Variants in PDE1A observed in about 807,000 individuals in gnomAD.
The protein encoded by PDE1A is phosphodiesterase 1A.
A neutral mutation model predicts 61.7 loss-of-function variants in PDE1A; 35 were observed. That is an observed-to-expected ratio of 0.57 (90% CI 0.43 to 0.75). The LOEUF is 0.75. PDE1A is among the 30% of genes least tolerant of loss of function. The pLI, the probability that PDE1A is intolerant of heterozygous loss-of-function variation, is 0.00. For synonymous variants in PDE1A, 232 were observed against 213.2 expected (o/e 1.09, Z -0.77); for missense variants, 597 against 630.6 (o/e 0.95, Z 0.57).
the PDE1A span, among the ~76,000 whole-genome samples, chr2:182,684,197 A>T: frequency 6.6e-6 from 1 of 151,984 alleles, no homozygotes; most frequent in Non-Finnish European, 1.5e-5. Flanking sequence ...AAAATTATAT[A>T]AAAATGATAC....
Position 182,158,162 on chromosome 2 carries a change from T to A in PDE1A, c.1517-11010A>T, listed in dbSNP as rs560956415. Among the ~76,000 whole-genome samples, 31 of 152,338 alleles carry A rather than the reference T, an allele frequency of 2.0e-4. No homozygotes were observed. The South Asian group carries it at 6.2e-3, about 31-fold the overall frequency. On this transcript the variant is annotated intron_variant, in intron 13 of 13. Transcript: ENST00000409365. The stretch of plus-strand genomic sequence containing the variant: ...TGGAAGAAATTGCCTCCCTTGGATG[T>A]ATATGCAAGTTGCTCCTATTGAAGT...
the PDE1A span, among the ~76,000 whole-genome samples, chr2:182,680,752 G>A: frequency 3.3e-5 from 5 of 152,160 alleles, no homozygotes; most frequent in African/African-American, 1.2e-4. Context: ...CTTCACCCAG[G>A]AAAGAATTCA....
chr2:182,201,688 C>T, exon 9 of PDE1A: 5 of 1,570,730 alleles, frequency 3.2e-6, no homozygotes, highest in Non-Finnish European at 4.3e-6. Flanking sequence ...CAAAACCTAC[C>T]CTTCAGGCTG....
intron 7 of PDE1A, 34 bp from the exon 8 acceptor site, chr2:182,206,099 T>C (rs779290334): frequency 6.3e-7 from 1 of 1,581,784 alleles, no homozygotes; most frequent in East Asian, 2.2e-5. Context: ...CAACAGAGGA[T>C]TTCTTTAGAC....
At chr2:182,363,607 T>G (rs918037330) in intron 1 of PDE1A, among the ~76,000 whole-genome samples, 2 of 152,062 alleles carry the variant, frequency 1.3e-5, no homozygotes. Context: ...TTCTAAGTGG[T>G]GATGAAGCTC....
intron 2 of PDE1A, among the ~76,000 whole-genome samples, chr2:182,447,584 A>T (rs1030199451): frequency 6.6e-6 from 1 of 152,056 alleles, no homozygotes; most frequent in African/African-American, 2.4e-5. Context: ...GATCCCTTCT[A>T]TAAGGCACAC....
At chr2:182,198,931 A>C (rs888985286) in intron 10 of PDE1A, among the ~76,000 whole-genome samples, 1 of 152,002 alleles carries the variant, frequency 6.6e-6, no homozygotes, top group Non-Finnish European at 1.5e-5. Context: ...ATTGAATTGA[A>C]TATTGAGAAT....
At chr2:182,569,040 C>G in the PDE1A span, among the ~76,000 whole-genome samples, 59 of 151,750 alleles carry the variant, frequency 3.9e-4, no homozygotes, top group Middle Eastern at 6.8e-3. Flanking sequence ...ATCACTTGAG[C>G]TCAGGAGTTC....
chr2:182,438,326 T>G, intron 2 of PDE1A, among the ~76,000 whole-genome samples: 1 of 152,032 alleles, frequency 6.6e-6, no homozygotes, highest in Non-Finnish European at 1.5e-5. Context: ...GAGGGAAAAC[T>G]GGCTGCGTTC....
chr2:182,686,887 G>A, the PDE1A span, among the ~76,000 whole-genome samples: 219 of 150,992 alleles, frequency 1.5e-3, 1 homozygote, highest in Middle Eastern at 3.4e-3. Flanking sequence ...ATTATATCCC[G>A]CGCATGGCTT....
chr2:182,286,327 G>T (rs181155709), intron 1 of PDE1A, among the ~76,000 whole-genome samples: 28 of 152,110 alleles, frequency 1.8e-4, no homozygotes, highest in Admixed American at 7.2e-4. Flanking sequence ...ACTTTTCTCT[G>T]ATTTTCAATC....
At chr2:182,614,156 A>G in the PDE1A span, among the ~76,000 whole-genome samples, 1 of 152,242 alleles carries the variant, frequency 6.6e-6, no homozygotes, top group Non-Finnish European at 1.5e-5. Flanking sequence ...AAGTTGATAG[A>G]ACCTACATAC....
intron 2 of PDE1A, among the ~76,000 whole-genome samples, chr2:182,467,712 G>A (rs548403596): frequency 4.3e-4 from 65 of 152,016 alleles, no homozygotes; most frequent in African/African-American, 1.3e-3. Flanking sequence ...CCAAAGAGAT[G>A]TTTGTCCTAG....
chr2:182,186,440 A>C, intron 12 of PDE1A, 28 bp downstream of exon 12: 6 of 1,605,486 alleles, frequency 3.7e-6, no homozygotes, highest in Non-Finnish European at 5.1e-6. Context: ...CAAAGATGAA[A>C]AATAATGCAA....
At chr2:182,511,168 T>A (rs1186460571) in intron 2 of PDE1A, among the ~76,000 whole-genome samples, 1 of 151,836 alleles carries the variant, frequency 6.6e-6, no homozygotes, top group African/African-American at 2.4e-5. Context: ...AATTGAGGAA[T>A]TGAAAAATCA....
intron 1 of PDE1A, among the ~76,000 whole-genome samples, chr2:182,350,209 T>C (rs1316924875): frequency 2.6e-5 from 4 of 152,246 alleles, no homozygotes; most frequent in African/African-American, 9.6e-5. Context: ...GATTCAGCAT[T>C]ATCTTTGGGA....
Position 182,312,098 on chromosome 2 carries a change from G to A in PDE1A, c.54-47684C>T, listed in dbSNP as rs149321901. 3.7e-3 allele frequency among the ~76,000 whole-genome samples: 557 copies of A among 152,100 alleles called. 1 individual carries two copies. The highest frequency in any genetic ancestry group is 6.3e-3 in the Non-Finnish European group (427 of 67,978). On this transcript the variant is annotated intron_variant, in intron 1 of 13. Transcript: ENST00000351439. ...TTCATGTATCCTCTTTGATGGAAGT[G>A]TCTTTTAAATTTTTTTCCCATTTTT...
the PDE1A span, among the ~76,000 whole-genome samples, chr2:182,640,578 G>T: frequency 1.3e-5 from 2 of 152,004 alleles, no homozygotes; most frequent in African/African-American, 2.4e-5. Context: ...AATATCAAAT[G>T]GTGGAAGAAG....
At chr2:182,616,064 T>C in the PDE1A span, among the ~76,000 whole-genome samples, 12 of 152,298 alleles carry the variant, frequency 7.9e-5, no homozygotes, top group African/African-American at 2.9e-4. Context: ...AGTCTTAGCT[T>C]CTCAGCAATG....
Sources: gnomAD v4.1 joint callset for allele counts (sites outside exome capture counted in the v4.1 genomes callset) on GRCh38, gnomAD v4.1.1 for gene constraint, MANE v1.5 for transcripts, NCBI Gene and HGNC (gene_info 2026-07-23, HGNC 2026-07-21) for gene names.